TRHDE: variants seen among roughly 807,000 people sequenced by gnomAD.
TRHDE encodes thyrotropin-releasing hormone-degrading ectoenzyme.
A neutral mutation model predicts 125.7 loss-of-function variants in TRHDE; 72 were observed. The ratio of observed to expected loss-of-function variants is 0.57; its 90% CI spans 0.47 to 0.70. The LOEUF (loss-of-function observed/expected upper bound fraction) is 0.70, where lower values mean the gene tolerates loss of function less well. TRHDE is among the 30% of genes least tolerant of loss of function. The probability of loss-of-function intolerance (pLI) is 0.00; values close to 1 mark genes in which losing one functional copy is unlikely to be tolerated. For missense variants in TRHDE, 1,110 were observed against 1,327.1 expected, an observed-to-expected ratio of 0.84 and a Z score of 2.54; for synonymous variants, 509 against 509.1, an observed-to-expected ratio of 1.00 and a Z score of 0.00.
intron 2 of TRHDE, among the ~76,000 whole-genome samples, chr12:72,113,662 C>A (rs559397485): frequency 7.9e-5 from 12 of 151,964 alleles, no homozygotes; most frequent in South Asian, 2.1e-4. Context: ...TTTCTAGGGA[C>A]CCACCAAGAG....
intron 2 of TRHDE, among the ~76,000 whole-genome samples, chr12:72,374,903 A>C (rs1871803718): frequency 6.6e-6 from 1 of 152,166 alleles, no homozygotes; most frequent in Non-Finnish European, 1.5e-5. Flanking sequence ...AAGTATTCTC[A>C]GATGTGTTTT....
chr12:72,148,262 T>C (rs1876274377), intron 2 of TRHDE, among the ~76,000 whole-genome samples: 1 of 152,190 alleles, frequency 6.6e-6, no homozygotes, highest in African/African-American at 2.4e-5. Context: ...TTTCCAGGAA[T>C]GTAAAGAATC....
chr12:72,100,872 T>C (rs2139288883), intron 1 of TRHDE, among the ~76,000 whole-genome samples: 1 of 152,316 alleles, frequency 6.6e-6, no homozygotes, highest in Admixed American at 6.5e-5. Context: ...AGCTAAGTCC[T>C]TAACAAGATC....
At chr12:72,621,843 CAAGAT>C in intron 15 of TRHDE, 92 bp downstream of exon 15, 1 of 989,940 alleles carries the variant, frequency 1.0e-6, no homozygotes, top group Admixed American at 2.9e-5. Flanking sequence ...TGGAGAAAAA[CAAGAT>C]AAGGAAAAAC....
rs1026516991 is a variant in TRHDE at position 72,479,646 on chromosome 12, T to G, written c.1584+6466T>G. ...TACATGTTTTTAAAGGATTTTTTTT[T>G]GTTTTTTTTTAATTTTTATTTTATT... On this transcript the variant is annotated intron_variant, in intron 5 of 18. Coordinates refer to ENST00000261180, the MANE Select transcript of TRHDE (RefSeq NM_013381.3). Among the ~76,000 whole-genome samples, 137 of 93,476 alleles carry G rather than the reference T, an allele frequency of 1.5e-3. 3 individuals carry two copies. The highest frequency in any genetic ancestry group is 4.4e-3 in the African/African-American group (107 of 24,440). 61.3% of individuals were successfully genotyped at this position (93,476 alleles called of 152,430 possible).
At chr12:72,607,618 G>T (rs1872501382) in intron 12 of TRHDE, among the ~76,000 whole-genome samples, 1 of 151,926 alleles carries the variant, frequency 6.6e-6, no homozygotes, top group Non-Finnish European at 1.5e-5. Context: ...CAATTATTTT[G>T]TTTGGTTTTG....
chr12:72,526,660 TACTAAATGTC>T (rs1286530631), intron 6 of TRHDE, among the ~76,000 whole-genome samples: 13 of 152,288 alleles, frequency 8.5e-5, no homozygotes, highest in African/African-American at 3.1e-4. Context: ...GTTCATCCTT[TACTAAATGTC>T]ACTTTCATTA....
rs989481259 is a variant in TRHDE at position 72,396,777 on chromosome 12, A to T, written c.1315+18656A>T. On this transcript the variant is annotated intron_variant, in intron 3 of 18. Coordinates refer to ENST00000261180, the MANE Select transcript of TRHDE (RefSeq NM_013381.3). ...AAACAAACAAACAAAAAACAAAAAA[A>T]CTTTATTCTCTTGGCTCTTGGAATG... Among the ~76,000 whole-genome samples, 66 of 152,098 alleles carry T rather than the reference A, an allele frequency of 4.3e-4. 1 individual carries two copies. The highest frequency in any genetic ancestry group is 1.5e-3 in the African/African-American group (62 of 41,508).
intron 2 of TRHDE, among the ~76,000 whole-genome samples, chr12:72,220,038 G>C (rs1877971527): frequency 6.6e-6 from 1 of 152,148 alleles, no homozygotes; most frequent in South Asian, 2.1e-4. Flanking sequence ...TAAAAAGTGG[G>C]ATGTGAAAAG....
chr12:72,531,843 C>A (rs1868573508), intron 6 of TRHDE, among the ~76,000 whole-genome samples: 1 of 152,070 alleles, frequency 6.6e-6, no homozygotes, highest in African/African-American at 2.4e-5. Flanking sequence ...TCTGCTCCAA[C>A]ATTACTGTCA....
In TRHDE at chr12:72,605,341, A is replaced by C. The variant is rs183336879; in HGVS notation, c.2322-13550A>C. On this transcript the variant is annotated intron_variant, in intron 12 of 18. Transcript: ENST00000261180. ...AAAATAAGCTGTTAGCATTATTTCT[A>C]TGTCACCATTTACATTATACTCCTT... is the stretch of plus-strand genomic sequence containing the variant. Among the ~76,000 whole-genome samples, 4 of 152,240 alleles carry C rather than the reference A, an allele frequency of 2.6e-5. No individual in the cohort carries two copies. In the East Asian group the frequency reaches 5.8e-4, roughly 22 times the overall value.
chr12:72,646,540 C>CT (rs1273838526), intron 15 of TRHDE, among the ~76,000 whole-genome samples: 3 of 151,910 alleles, frequency 2.0e-5, no homozygotes, highest in Admixed American at 2.0e-4. Flanking sequence ...AAAAAAGTGG[C>CT]TGAATGGATT....
chr12:72,499,705 T>A, intron 6 of TRHDE, 70 bp downstream of exon 6: 1 of 1,546,052 alleles, frequency 6.5e-7, no homozygotes, highest in Non-Finnish European at 8.8e-7. Context: ...TCATGTTAGA[T>A]GTATGTATTT....
intron 3 of TRHDE, among the ~76,000 whole-genome samples, chr12:72,408,131 A>G (rs1873341536): frequency 6.6e-6 from 1 of 152,208 alleles, no homozygotes; most frequent in Non-Finnish European, 1.5e-5. Flanking sequence ...TTGCTTTTAT[A>G]AGAAACCTAC....
chr12:72,565,937 C>G (rs1437862879), intron 9 of TRHDE, among the ~76,000 whole-genome samples: 1 of 151,964 alleles, frequency 6.6e-6, no homozygotes. Flanking sequence ...GGAACACAAT[C>G]TAATTTCCTA....
intron 12 of TRHDE, among the ~76,000 whole-genome samples, chr12:72,587,564 A>ATATTTAGCCTATGAAAGACAT (rs1172047066): frequency 6.6e-6 from 1 of 152,120 alleles, no homozygotes; most frequent in Non-Finnish European, 1.5e-5. Flanking sequence ...TGGTGAAATC[A>ATATTTAGCCTATGAAAGACAT]CTATATTTAG....
At chr12:72,223,537 G>A (rs1049305901) in intron 2 of TRHDE, among the ~76,000 whole-genome samples, 1 of 152,034 alleles carries the variant, frequency 6.6e-6, no homozygotes, top group African/African-American at 2.4e-5. Flanking sequence ...TTCTGTCTCA[G>A]TACACATAGA....
intron 2 of TRHDE, among the ~76,000 whole-genome samples, chr12:72,174,501 A>G (rs1346672356): frequency 6.6e-6 from 1 of 152,168 alleles, no homozygotes; most frequent in African/African-American, 2.4e-5. Context: ...TTTCTTCCCA[A>G]TTCATGTTCC....
intron 3 of TRHDE, among the ~76,000 whole-genome samples, chr12:72,467,786 G>A (rs748661750): frequency 6.6e-6 from 1 of 152,222 alleles, no homozygotes; most frequent in African/African-American, 2.4e-5. Context: ...CTGCACTCTG[G>A]CCTGGGCGAC....
Sources: allele counts gnomAD v4.1 joint callset (sites outside exome capture counted in the v4.1 genomes callset), GRCh38; gene constraint gnomAD v4.1.1; transcripts MANE v1.5; gene names NCBI Gene and HGNC (gene_info 2026-07-23, HGNC 2026-07-21).